The following DNAH1 variants were observed in gnomAD, a reference collection of about 807,000 sequenced individuals.
DNAH1 encodes dynein axonemal heavy chain 1.
DNAH1 carries 327 observed loss-of-function variants against 484.3 expected under a neutral mutation model. That is an observed-to-expected ratio of 0.68 (90% CI 0.62 to 0.74). The LOEUF (loss-of-function observed/expected upper bound fraction) is 0.74. DNAH1 is among the 30% of genes least tolerant of loss of function. The probability of loss-of-function intolerance (pLI) is 0.00; values close to 1 mark genes in which losing one functional copy is unlikely to be tolerated. For missense variants in DNAH1, 5,052 were observed against 5,546.8 expected (o/e 0.91, Z 2.83); for synonymous variants, 2,192 against 2,191.9 (o/e 1.00, Z 0.00).
At chr3:52,375,781 T>C (rs1362137183) in intron 45 of DNAH1, among the ~76,000 whole-genome samples, 174 bp from the exon 46 acceptor site, 1 of 152,128 alleles carries the variant, frequency 6.6e-6, no homozygotes, top group African/African-American at 2.4e-5. Context: ...CATGTTACTT[T>C]TGTAAATCAG....
intron 5 of DNAH1, 112 bp downstream of exon 5, chr3:52,327,003 T>G: frequency 1.5e-6 from 2 of 1,368,802 alleles, no homozygotes; most frequent in South Asian, 3.0e-5. Flanking sequence ...ACCAGCACAC[T>G]CTTGTCAAAC....
chr3:52,331,345 A>C, intron 7 of DNAH1, 36 bp downstream of exon 7: 1 of 1,579,852 alleles, frequency 6.3e-7, no homozygotes, highest in Non-Finnish European at 8.6e-7. Flanking sequence ...GCAGAACCCC[A>C]GCTTGGGCCT....
rs3752819 is a variant in DNAH1 at position 52,366,724 on chromosome 3, G to C, written c.5611-9G>C. On this transcript the variant is annotated splice_polypyrimidine_tract_variant and intron_variant, in intron 35 of 77. Transcript: ENST00000420323. The stretch of plus-strand genomic sequence containing the variant: ...TGGGAGCCTCACTCTCAGGCGGTCC[G>C]TCTCCCAGTGTTACAGAGTCCTGGC... 263,332 of 1,603,666 alleles carry C rather than the reference G, an allele frequency of 0.16. 23,378 individuals carry two copies. Among genetic ancestry groups the C allele is most frequent in the African/African-American group, 0.26 (19,667 of 74,562 alleles).
Position 52,359,961 on chromosome 3 carries a change from C to T in DNAH1, c.4453C>T (p.Gln1485Ter). ...TGTGCGGGGGAAGCTGTCCCGCATG[C>T]AGCGGGCAGTGCTGTCAGCGCTAAT... ...ALVRGKLSRM[Q>*]RAVLSALIVI... The change falls in exon 27 of 78, where the codon CAG becomes TAG. Residue 1485 changes from glutamine to a stop codon, truncating the protein, a stop_gained. Coordinates refer to ENST00000420323, the MANE Select transcript of DNAH1 (RefSeq NM_015512.5). LOFTEE classifies it high-confidence loss of function. 6.2e-7 allele frequency: 1 copy of T among 1,613,912 alleles called. No homozygotes were observed. The highest frequency in any genetic ancestry group is 1.1e-5 in the South Asian group (1 of 91,086).
At position 52,354,826 on chromosome 3, in the gene DNAH1, C is replaced by T; in HGVS notation, c.3481-17C>T. On this transcript the variant is annotated splice_polypyrimidine_tract_variant and intron_variant, in intron 20 of 77. Coordinates refer to ENST00000420323, the MANE Select transcript of DNAH1 (RefSeq NM_015512.5). ...CAGCCCCTCCCAGGACTCAGCCTGG[C>T]TTGTCCCCGACCCCAGGCACTGGAC... 1 of 1,612,088 alleles carries T rather than the reference C, an allele frequency of 6.2e-7. No homozygotes were observed. The highest frequency in any genetic ancestry group is 8.5e-7 in the Non-Finnish European group (1 of 1,179,454).
At chr3:52,393,099 C>G (rs1704469074) in intron 65 of DNAH1, 74 bp downstream of exon 65, 3 of 1,539,666 alleles carry the variant, frequency 1.9e-6, no homozygotes, top group African/African-American at 1.4e-5. Flanking sequence ...GTGGGGCACA[C>G]ACAAACTCAC....
chr3:52,344,633 A>G lies in DNAH1; in HGVS notation c.1430A>G (p.Gln477Arg), dbSNP rs1387973473. The G allele has an allele frequency of 6.2e-7, 1 of 1,613,458 alleles. No individual in the cohort carries two copies. Among genetic ancestry groups the G allele is most frequent in the Non-Finnish European group, 8.5e-7 (1 of 1,179,756 alleles). ...ACCCTCCCCAAGAAGGAGGAGGAGC[A>G]GGTGCCTGAGCGAGGTGAGGGTCAC... ...YVTLPKKEEEQVPERGLVSVP... is the reference protein window; with the variant it reads ...YVTLPKKEEERVPERGLVSVP... Residue 477 changes from glutamine to arginine, a missense_variant, in exon 9 of 78, where the codon CAG (glutamine) becomes CGG (arginine). Physicochemically the swap from Gln to Arg is conservative, Grantham distance 43 (BLOSUM62 1). Transcript: ENST00000420323.
Position 52,351,950 on chromosome 3 carries a change from C to A in DNAH1, c.2730-12C>A, listed in dbSNP as rs757059388. The A allele has an allele frequency of 1.9e-6, 3 of 1,597,594 alleles. No homozygotes were observed. The highest frequency in any genetic ancestry group is 2.3e-5 in the South Asian group (2 of 87,652). ...CGATATTTCTCCCAATCCCCACCCC[C>A]ATCCCGGCCAGATGGATTGCCAGCA... On this transcript the variant is annotated splice_polypyrimidine_tract_variant and intron_variant, in intron 16 of 77. Coordinates refer to ENST00000420323, the MANE Select transcript of DNAH1 (RefSeq NM_015512.5).
At chr3:52,376,849 A>G (rs372639354) in intron 46 of DNAH1, among the ~76,000 whole-genome samples, 5 of 131,846 alleles carry the variant, frequency 3.8e-5, no homozygotes, top group African/African-American at 1.4e-4. Flanking sequence ...TCTTGTCACC[A>G]GTTGCCTTCT....
intron 44 of DNAH1, chr3:52,373,629 C>T: frequency 7.0e-7 from 1 of 1,436,978 alleles, no homozygotes. Context: ...TAATAGAGAA[C>T]TTCAAAAACT....
chr3:52,347,979 G>C lies in DNAH1; in HGVS notation c.2106+5G>C. ...GCCGTGCCCCAGCTGGAGAAGGTAC[G>C]TGCTGCAGCCTGAGCAGGCCCCAGG... On this transcript the variant is annotated splice_donor_5th_base_variant and intron_variant, in intron 12 of 77. Transcript: ENST00000420323. The C allele has an allele frequency of 6.2e-7, 1 of 1,605,016 alleles. No homozygotes were observed. The highest frequency in any genetic ancestry group is 2.2e-5 in the East Asian group (1 of 44,504).
Position 52,388,619 on chromosome 3 carries a change from C to T in DNAH1, c.9363+10C>T. ...GGGCCGAGCTGGCAAGGTGCGCACC[C>T]TCCTCCTGCAAGGCCTGCAAGCGGG... On this transcript the variant is annotated intron_variant, in intron 58 of 77. Coordinates refer to ENST00000420323, the MANE Select transcript of DNAH1 (RefSeq NM_015512.5). The T allele has an allele frequency of 1.2e-6, 2 of 1,612,134 alleles. No homozygotes were observed. Among genetic ancestry groups the T allele is most frequent in the Non-Finnish European group, 8.5e-7 (1 of 1,179,616 alleles).
chr3:52,358,472 C>T lies in DNAH1; in HGVS notation c.4087-86C>T, dbSNP rs568818577. 1.1e-5 allele frequency: 15 copies of T among 1,387,994 alleles called. No individual in the cohort carries two copies. The highest frequency in any genetic ancestry group is 2.6e-5 in the East Asian group (1 of 38,228). The allele number at this position is 1,387,994 out of a possible 1,614,324, so 86.0% of individuals were successfully genotyped here. A position where few individuals can be genotyped will look rare whatever the true frequency, so the allele number is the denominator to read the frequency against. ...GCTTTCTTCTTGAGGTGGAGGGCACCGGGCAGGCTTAGCGCTGGGGCTGTG... is the reference window on the plus strand; with the variant it reads ...GCTTTCTTCTTGAGGTGGAGGGCACTGGGCAGGCTTAGCGCTGGGGCTGTG... On this transcript the variant is annotated intron_variant, in intron 24 of 77. Transcript: ENST00000420323. This position sits in a 1 kb window ranked among gnomAD's most constrained non-coding sequence, Gnocchi z 4.2.
At position 52,396,684 on chromosome 3, in the gene DNAH1, A is replaced by C. The variant is rs571007566; in HGVS notation, c.11497A>C (p.Lys3833Gln). 1.9e-5 allele frequency: 31 copies of C among 1,613,760 alleles called. 1 individual carries two copies. The South Asian group carries it at 3.3e-4, about 17-fold the overall frequency. Residue 3833 changes from lysine to glutamine, a missense_variant, in exon 72 of 78, where the codon AAG becomes CAG. By Grantham distance (53) the Lys-to-Gln change is moderately conservative (BLOSUM62 1). Coordinates refer to ENST00000420323, the MANE Select transcript of DNAH1 (RefSeq NM_015512.5). ...LFHGNALERR[K>Q]FGPLGFNIPY... ...CCATGGGAACGCCCTGGAGCGCCGT[A>C]AGTTTGGGCCCCTGGGCTTCAACAT...
chr3:52,386,722 A>G lies in DNAH1; in HGVS notation c.8872A>G (p.Met2958Val). ...ACTGGTCATAGAAGCTGTGTGCATT[A>G]TGAAAGGCATCAAGCCCAAGAAGGT... The part of the protein sequence containing the change: ...VKLVIEAVCI[M>V]KGIKPKKVPG... The change falls in exon 56 of 78, where the codon ATG (methionine) becomes GTG (valine). Residue 2958 changes from methionine to valine, a missense_variant. Around this residue, in one of 4 missense-constraint regions of DNAH1, gnomAD observed 2,929 missense variants for 3,409.4 expected, o/e 0.86. Transcript: ENST00000420323. 1 of 1,592,082 alleles carries G rather than the reference A, an allele frequency of 6.3e-7. No homozygotes were observed. Among genetic ancestry groups the G allele is most frequent in the Non-Finnish European group, 8.5e-7 (1 of 1,169,624 alleles).
intron 8 of DNAH1, among the ~76,000 whole-genome samples, chr3:52,333,079 T>C (rs570554280): frequency 6.6e-6 from 1 of 152,184 alleles, no homozygotes; most frequent in South Asian, 2.1e-4. Flanking sequence ...TAGAGACAGA[T>C]CTCCCTATGT....
Position 52,352,022 on chromosome 3 carries a change from G to A in DNAH1, c.2790G>A (p.Gln930=). ...GGCAGATAGAGCTGGTGCAGCAGCA[G>A]CATGTGGAGGATGAGGAGAAGTTCC... The part of the protein sequence containing the change: ...ILGQIELVQQ[Q]HVEDEEKFRK... The change falls in exon 17 of 78, where the codon CAG becomes CAA. Residue 930 remains glutamine (Q), a synonymous_variant. Transcript: ENST00000420323. 2 of 1,598,724 alleles carry A rather than the reference G, an allele frequency of 1.3e-6. No individual in the cohort carries two copies. The highest frequency in any genetic ancestry group is 1.7e-5 in the Admixed American group (1 of 57,774).
intron 1 of DNAH1, among the ~76,000 whole-genome samples, chr3:52,317,185 A>G (rs181099618): frequency 1.3e-5 from 2 of 152,340 alleles, no homozygotes; most frequent in Non-Finnish European, 2.9e-5. Flanking sequence ...AACTAAGGAC[A>G]GTCTGATACA....
chr3:52,357,553 C>T, intron 22 of DNAH1, 61 bp from the exon 23 acceptor site: 1 of 1,561,106 alleles, frequency 6.4e-7, no homozygotes, highest in Admixed American at 1.9e-5. Context: ...CTGGGATGAG[C>T]CTATCTTGCT....
Sources: gnomAD v4.1 joint callset for allele counts (sites outside exome capture counted in the v4.1 genomes callset) on GRCh38, gnomAD v4.1.1 for gene constraint, gnomAD v4.1.1 regional missense constraint, Gnocchi (gnomAD v3.1) non-coding constraint, MANE v1.5 for transcripts, NCBI Gene and HGNC (gene_info 2026-07-23, HGNC 2026-07-21) for gene names.